The following ARHGAP15 variants were observed in gnomAD, a reference collection of about 807,000 sequenced individuals.
ARHGAP15 encodes Rho GTPase activating protein 15.
A neutral mutation model predicts 63.7 loss-of-function variants in ARHGAP15; 51 were observed. The ratio of observed to expected loss-of-function variants is 0.80; its 90% confidence interval spans 0.64 to 1.01. The LOEUF (loss-of-function observed/expected upper bound fraction) is 1.01. Among genes scored for constraint, ARHGAP15 ranks in the 50% least tolerant of loss-of-function variants. ARHGAP15 has a pLI of 0.00. For missense variants in ARHGAP15, 560 were observed against 564.6 expected (o/e 0.99, Z 0.08); for synonymous variants, 191 against 193.8 (o/e 0.99, Z 0.12).
intron 12 of ARHGAP15, among the ~76,000 whole-genome samples, chr2:143,691,793 T>C (rs1298427387): frequency 6.6e-6 from 1 of 152,238 alleles, no homozygotes; most frequent in Non-Finnish European, 1.5e-5. Context: ...TTCTTTGTGA[T>C]AACCATTTTT....
At chr2:143,575,373 G>A (rs748794862) in intron 11 of ARHGAP15, among the ~76,000 whole-genome samples, 47 of 152,112 alleles carry the variant, frequency 3.1e-4, no homozygotes, top group Non-Finnish European at 5.6e-4. Context: ...ATAATGAAAC[G>A]TCCAGCTGTC....
chr2:143,713,011 GTTGAACAAATGGAATCGCGTTACTTCA>G (rs1267194365), intron 13 of ARHGAP15, among the ~76,000 whole-genome samples: 1 of 152,116 alleles, frequency 6.6e-6, no homozygotes, highest in African/African-American at 2.4e-5. Flanking sequence ...AATAATTTTT[GTTGAACAAATGGAATCGCGTTACTTCA>G]TTGAACAAGA....
intron 6 of ARHGAP15, among the ~76,000 whole-genome samples, chr2:143,414,512 G>GA (rs1157331807): frequency 6.6e-6 from 1 of 151,940 alleles, no homozygotes; most frequent in Admixed American, 6.6e-5. Flanking sequence ...TTTCTCAATA[G>GA]AAAAAATTTG....
chr2:143,490,926 C>T (rs140403208), intron 9 of ARHGAP15, among the ~76,000 whole-genome samples: 1 of 152,088 alleles, frequency 6.6e-6, no homozygotes, highest in Non-Finnish European at 1.5e-5. Context: ...CCGCACCTGG[C>T]CCATATTTTC....
At chr2:143,526,588 C>G (rs9646678) in intron 10 of ARHGAP15, among the ~76,000 whole-genome samples, 1 of 152,080 alleles carries the variant, frequency 6.6e-6, no homozygotes, top group Admixed American at 6.5e-5. Flanking sequence ...AGTGGGAGTT[C>G]TAGGACTGGG....
At chr2:143,624,691 TTATC>T (rs1354177353) in intron 12 of ARHGAP15, among the ~76,000 whole-genome samples, 1 of 152,198 alleles carries the variant, frequency 6.6e-6, no homozygotes, top group Non-Finnish European at 1.5e-5. Flanking sequence ...ATGTGTTAAA[TTATC>T]AACTAAGACA....
intron 6 of ARHGAP15, among the ~76,000 whole-genome samples, chr2:143,293,137 T>A (rs1682483363): frequency 6.6e-6 from 1 of 152,056 alleles, no homozygotes; most frequent in South Asian, 2.1e-4. Context: ...TGGTATGCAT[T>A]TGGGGTCTGG....
chr2:143,602,152 T>C (rs546051955), intron 11 of ARHGAP15, among the ~76,000 whole-genome samples: 10 of 152,270 alleles, frequency 6.6e-5, no homozygotes, highest in African/African-American at 2.4e-4. Context: ...ATATCCAAAG[T>C]AGAGAAAAGT....
chr2:143,377,006 C>T (rs1020217054), intron 6 of ARHGAP15, among the ~76,000 whole-genome samples: 1 of 151,970 alleles, frequency 6.6e-6, no homozygotes, highest in Non-Finnish European at 1.5e-5. Flanking sequence ...AATTCATTTG[C>T]CTGGCATTAA....
At position 143,398,146 on chromosome 2, in the gene ARHGAP15, G is replaced by A. The variant is rs1687849733; in HGVS notation, c.475-37455G>A. On this transcript the variant is annotated intron_variant, in intron 6 of 13. Coordinates refer to ENST00000295095, the MANE Select transcript of ARHGAP15 (RefSeq NM_018460.4). The stretch of plus-strand genomic sequence containing the variant: ...TCAGATTTCATACTCCTCAGCCTAA[G>A]CAGTTAGACTCCAAGGTGGACTCAA... 2.0e-5 allele frequency among the ~76,000 whole-genome samples: 3 copies of A among 152,110 alleles called. No homozygotes were observed. The South Asian group carries it at 6.2e-4, about 31-fold the overall frequency.
chr2:143,718,315 T>C (rs1222491401), intron 13 of ARHGAP15, among the ~76,000 whole-genome samples: 2 of 151,894 alleles, frequency 1.3e-5, no homozygotes, highest in Non-Finnish European at 2.9e-5. Flanking sequence ...TGAATGAGAG[T>C]CCCTAGGGGG....
At chr2:143,494,104 A>G (rs573800329) in intron 9 of ARHGAP15, among the ~76,000 whole-genome samples, 2 of 152,266 alleles carry the variant, frequency 1.3e-5, no homozygotes, top group Admixed American at 1.3e-4. Context: ...TTTAAGAATT[A>G]TGATTCTTTC....
chr2:143,221,120 A>C (rs1266499203), intron 4 of ARHGAP15, among the ~76,000 whole-genome samples: 1 of 152,160 alleles, frequency 6.6e-6, no homozygotes, highest in Non-Finnish European at 1.5e-5. Flanking sequence ...AGTACCAGGT[A>C]CTTCAATTGT....
intron 11 of ARHGAP15, among the ~76,000 whole-genome samples, chr2:143,558,791 A>G (rs1041715149): frequency 2.6e-5 from 4 of 152,184 alleles, no homozygotes; most frequent in African/African-American, 9.6e-5. Flanking sequence ...CTCTCCAGCA[A>G]TTCAACTTGG....
At chr2:143,436,798 C>A (rs770972369) in intron 7 of ARHGAP15, 115 bp from the exon 8 acceptor site, 2 of 1,063,348 alleles carry the variant, frequency 1.9e-6, no homozygotes, top group Non-Finnish European at 2.7e-6. Flanking sequence ...GACCTATCCT[C>A]AAATAATTAC....
At chr2:143,729,304 G>A (rs1416138707) in intron 13 of ARHGAP15, among the ~76,000 whole-genome samples, 1 of 152,176 alleles carries the variant, frequency 6.6e-6, no homozygotes, top group African/African-American at 2.4e-5. Context: ...AGCAATGCAG[G>A]AAGTAGAAAT....
At chr2:143,306,744 G>A (rs1683190989) in intron 6 of ARHGAP15, among the ~76,000 whole-genome samples, 1 of 151,976 alleles carries the variant, frequency 6.6e-6, no homozygotes. Context: ...TTCCTCAGTG[G>A]GAGCAGCCCT....
chr2:143,688,077 G>A (rs1683430678), intron 12 of ARHGAP15, among the ~76,000 whole-genome samples: 1 of 152,058 alleles, frequency 6.6e-6, no homozygotes, highest in African/African-American at 2.4e-5. Flanking sequence ...CCTTTGACAT[G>A]TTCATTCTGC....
chr2:143,618,825 G>A (rs1574716818), intron 11 of ARHGAP15, among the ~76,000 whole-genome samples: 1 of 138,218 alleles, frequency 7.2e-6, no homozygotes, highest in East Asian at 2.0e-4. Context: ...GAGGAAAGGG[G>A]TAAACTCCTT....
Sources: allele counts gnomAD v4.1 joint callset (sites outside exome capture counted in the v4.1 genomes callset), GRCh38; gene constraint gnomAD v4.1.1; transcripts MANE v1.5; gene names NCBI Gene and HGNC (gene_info 2026-07-23, HGNC 2026-07-21).